KIAA1549: variants seen among roughly 807,000 people sequenced by gnomAD.
The protein encoded by KIAA1549 is KIAA1549, also known as UPF0606 protein KIAA1549.
KIAA1549 carries 70 observed loss-of-function variants against 156.4 expected under a neutral mutation model. The observed-to-expected ratio is 0.45, with a 90% CI of 0.37 to 0.55. The LOEUF (loss-of-function observed/expected upper bound fraction) is 0.55. Among genes scored for constraint, KIAA1549 ranks in the 20% least tolerant of loss-of-function variants. The pLI, the probability that KIAA1549 is intolerant of heterozygous loss-of-function variation, is 0.00. For synonymous variants in KIAA1549, 1,103 were observed against 1,066.4 expected, an observed-to-expected ratio of 1.03 and a Z score of -0.67; for missense variants, 2,428 against 2,540.9, an observed-to-expected ratio of 0.96 and a Z score of 0.96.
At position 138,836,895 on chromosome 7, in the gene KIAA1549, T is replaced by C. The variant is rs546907841; in HGVS notation, c.*1011A>G. On this transcript the variant is annotated 3_prime_UTR_variant, in exon 20 of 20. Coordinates refer to ENST00000422774, the MANE Select transcript of KIAA1549 (RefSeq NM_001164665.2). Reference sequence around the variant, plus strand: ...TAGGGATGTATGTATAACAATTTCGTGGTGCTGGGAATTATTAAATAACTT... The same window carrying C: ...TAGGGATGTATGTATAACAATTTCGCGGTGCTGGGAATTATTAAATAACTT... 4.4e-6 allele frequency: 1 copy of C among 226,178 alleles called. No homozygotes were observed. The highest frequency in any genetic ancestry group is 6.4e-5 in the East Asian group (1 of 15,576). 14.0% of individuals were successfully genotyped at this position (226,178 alleles called of 1,614,324 possible). A position where few individuals can be genotyped will look rare whatever the true frequency, so the allele number is the denominator to read the frequency against.
chr7:138,935,383 TA>T (rs1812980397), intron 1 of KIAA1549, among the ~76,000 whole-genome samples: 1 of 152,184 alleles, frequency 6.6e-6, no homozygotes. Context: ...CTTTCCTAAA[TA>T]AAATGCAATC....
rs1475916383 is a variant in KIAA1549 at position 138,917,164 on chromosome 7, T to C, written c.2462A>G (p.His821Arg). The C allele has an allele frequency of 6.2e-7, 1 of 1,613,958 alleles. No homozygotes were observed. Residue 821 changes from histidine to arginine, a missense_variant, in exon 2 of 20, where the codon CAC becomes CGC. This residue lies in a region of KIAA1549 where 762 missense variants were observed against 901.6 expected (regional missense o/e 0.85). Transcript: ENST00000422774. ...GGAGAAAGAGGCCAGGACAGACACG[T>C]GACCGTCTAGAGCACTGATTTGGTC... ...PDDQISALDG[H>R]VSVLASFSKA...
At chr7:138,936,572 C>A (rs934236882) in intron 1 of KIAA1549, among the ~76,000 whole-genome samples, 10 of 152,160 alleles carry the variant, frequency 6.6e-5, no homozygotes, top group African/African-American at 2.4e-4. Flanking sequence ...GTTTGGGAAC[C>A]AGGAGAGGCC....
At chr7:138,844,247 A>G (rs773168792) in intron 18 of KIAA1549, 70 bp downstream of exon 18, 3 of 1,565,334 alleles carry the variant, frequency 1.9e-6, no homozygotes, top group Non-Finnish European at 2.6e-6. Flanking sequence ...ACTCTGAGAC[A>G]CCTAAAATAA....
intron 12 of KIAA1549, among the ~76,000 whole-genome samples, chr7:138,878,120 C>T (rs1009670809): frequency 2.6e-5 from 4 of 152,230 alleles, no homozygotes; most frequent in African/African-American, 9.6e-5. Context: ...AAAGAAAAAA[C>T]TCTTCCCTTT....
At chr7:138,942,733 AC>A (rs1425426384) in intron 1 of KIAA1549, among the ~76,000 whole-genome samples, 1 of 151,790 alleles carries the variant, frequency 6.6e-6, no homozygotes, top group African/African-American at 2.4e-5. Context: ...ACATGGTGAA[AC>A]CCCATCTCTA....
chr7:138,967,979 G>C (rs567618040), intron 1 of KIAA1549, among the ~76,000 whole-genome samples: 1 of 152,204 alleles, frequency 6.6e-6, no homozygotes, highest in African/African-American at 2.4e-5. Flanking sequence ...AGACCACTGA[G>C]GCTCCCAGCT....
intron 5 of KIAA1549, 79 bp from the exon 6 acceptor site, chr7:138,907,181 T>C (rs1812031673): frequency 8.3e-7 from 1 of 1,203,946 alleles, no homozygotes; most frequent in Non-Finnish European, 1.1e-6. Context: ...CTCTCACAGG[T>C]CCTCTCACCG....
Position 138,932,003 on chromosome 7 carries a change from G to A in KIAA1549, c.188-12565C>T, listed in dbSNP as rs1812887348. Among the ~76,000 whole-genome samples, 7 of 152,064 alleles carry A rather than the reference G, an allele frequency of 4.6e-5. No homozygotes were observed. The South Asian group carries it at 1.5e-3, about 32-fold the overall frequency. ...GAGGCGTGGGGTGTGTATGTGTGCA[G>A]GAGACATGAAGGCAGACAAGAGTGT... On this transcript the variant is annotated intron_variant, in intron 1 of 19. Coordinates refer to ENST00000422774, the MANE Select transcript of KIAA1549 (RefSeq NM_001164665.2).
At chr7:138,932,253 GT>G (rs1266485781) in intron 1 of KIAA1549, among the ~76,000 whole-genome samples, 1 of 152,208 alleles carries the variant, frequency 6.6e-6, no homozygotes, top group African/African-American at 2.4e-5. Flanking sequence ...GAAAACAAGC[GT>G]TTGCAGAGTG....
intron 6 of KIAA1549, 113 bp from the exon 7 acceptor site, chr7:138,905,194 C>A: frequency 2.7e-6 from 2 of 738,198 alleles, no homozygotes; most frequent in Admixed American, 4.5e-5. Context: ...TGTGAAAGAA[C>A]AAAATGTCAG....
rs1317192989 is a variant in KIAA1549 at position 138,871,246 on chromosome 7, G to A, written c.4462C>T (p.Leu1488Phe). ...GCCGGGATCGGCTGCATGGCGATAA[G>A]CTGGATCTTACTGGGGACCCGCCGG... is the stretch of plus-strand genomic sequence containing the variant. ...ASRRVPSKIQ[L>F]IAMQPIPAPP... The change falls in exon 13 of 20, where the codon CTT becomes TTT. Residue 1488 changes from leucine to phenylalanine, a missense_variant. Physicochemically the swap from Leu to Phe is conservative, Grantham distance 22. Around this residue, in one of 5 missense-constraint regions of KIAA1549, gnomAD observed 404 missense variants for 417.0 expected, o/e 0.97. Coordinates refer to ENST00000422774, the MANE Select transcript of KIAA1549 (RefSeq NM_001164665.2). 3.1e-6 allele frequency: 5 copies of A among 1,612,922 alleles called. No individual in the cohort carries two copies. Among genetic ancestry groups the A allele is most frequent in the Non-Finnish European group, 4.2e-6 (5 of 1,179,720 alleles).
chr7:138,953,828 G>A (rs566085684), intron 1 of KIAA1549, among the ~76,000 whole-genome samples: 81 of 152,292 alleles, frequency 5.3e-4, no homozygotes, highest in African/African-American at 1.9e-3. Flanking sequence ...TATCTACTGT[G>A]ATTCATCCAT....
At chr7:138,952,724 A>C (rs1030907556) in intron 1 of KIAA1549, among the ~76,000 whole-genome samples, 3 of 152,210 alleles carry the variant, frequency 2.0e-5, no homozygotes, top group African/African-American at 7.2e-5. Flanking sequence ...TCTGGCTCTG[A>C]TTACTTGTTA....
At chr7:138,951,354 C>T (rs1053405067) in intron 1 of KIAA1549, among the ~76,000 whole-genome samples, 2 of 152,148 alleles carry the variant, frequency 1.3e-5, no homozygotes, top group Non-Finnish European at 2.9e-5. Flanking sequence ...CACCTTCAAA[C>T]ATCAGTGGTC....
intron 5 of KIAA1549, among the ~76,000 whole-genome samples, chr7:138,907,651 G>A (rs1195620590): frequency 6.6e-6 from 1 of 152,170 alleles, no homozygotes. Flanking sequence ...CCAAAGAGCT[G>A]AGTGTATTGC....
intron 14 of KIAA1549, among the ~76,000 whole-genome samples, chr7:138,869,038 G>A (rs1047452907): frequency 1.3e-5 from 2 of 152,218 alleles, no homozygotes; most frequent in Non-Finnish European, 2.9e-5. Context: ...GGGAGTCTGG[G>A]AGACCAGGGG....
chr7:138,852,936 G>A (rs1810277457), intron 16 of KIAA1549, among the ~76,000 whole-genome samples: 1 of 152,186 alleles, frequency 6.6e-6, no homozygotes, highest in Admixed American at 6.5e-5. Flanking sequence ...TTTTACTTGA[G>A]CTAACCTGAA....
rs757135426 is a variant in KIAA1549 at position 138,918,603 on chromosome 7, T to C, written c.1023A>G (p.Thr341=). ...QSLEETISPR[T]YPTVTASHAA... ...CGTGCGATGCAGTCACAGTGGGGTA[T>C]GTTCTTGGAGAGATGGTTTCTTCTA... is the stretch of plus-strand genomic sequence containing the variant. Residue 341 remains threonine (T), a synonymous_variant, in exon 2 of 20, where the codon ACA becomes ACG. Coordinates refer to ENST00000422774, the MANE Select transcript of KIAA1549 (RefSeq NM_001164665.2). This position sits in a 1 kb window ranked among gnomAD's most constrained non-coding sequence, Gnocchi z 4.2. 34 of 1,613,818 alleles carry C rather than the reference T, an allele frequency of 2.1e-5. No homozygotes were observed. Among genetic ancestry groups the C allele is most frequent in the Non-Finnish European group, 2.8e-5 (33 of 1,179,884 alleles).
Sources: allele counts gnomAD v4.1 joint callset (sites outside exome capture counted in the v4.1 genomes callset), GRCh38; gene constraint gnomAD v4.1.1; regional missense constraint gnomAD v4.1.1; non-coding constraint Gnocchi (gnomAD v3.1); transcripts MANE v1.5; gene names NCBI Gene and HGNC (gene_info 2026-07-23, HGNC 2026-07-21).